Variants in SND1 observed in about 807,000 individuals in gnomAD.
SND1 encodes the protein staphylococcal nuclease and tudor domain containing 1.
A neutral mutation model predicts 121.7 loss-of-function variants in SND1; 38 were observed. The observed-to-expected ratio is 0.31, with a 90% CI of 0.24 to 0.41. The LOEUF is 0.41. Ranked by LOEUF, SND1 falls within the 10% of genes least tolerant of loss-of-function variation. SND1 has a pLI of 1.00. For missense variants in SND1, 868 were observed against 1,184.6 expected, an observed-to-expected ratio of 0.73 and a Z score of 3.92; for synonymous variants, 401 against 447.4, an observed-to-expected ratio of 0.90 and a Z score of 1.31.
intron 11 of SND1, among the ~76,000 whole-genome samples, chr7:127,822,652 A>G (rs1798570448): frequency 6.6e-6 from 1 of 152,194 alleles, no homozygotes; most frequent in Non-Finnish European, 1.5e-5. Context: ...GCATCTGTTA[A>G]TACTTGAGTG....
At chr7:127,769,656 G>T (rs1440921468) in intron 10 of SND1, among the ~76,000 whole-genome samples, 1 of 151,572 alleles carries the variant, frequency 6.6e-6, no homozygotes, top group African/African-American at 2.4e-5. Context: ...CTTGTATAAT[G>T]TTGATGGAAT....
At chr7:127,778,669 C>T (rs1728648683) in intron 10 of SND1, among the ~76,000 whole-genome samples, 1 of 152,046 alleles carries the variant, frequency 6.6e-6, no homozygotes, top group Admixed American at 6.5e-5. Flanking sequence ...GTCTGTAAAA[C>T]GGTAATATTG....
At chr7:127,712,201 C>T (rs1016796673) in intron 9 of SND1, among the ~76,000 whole-genome samples, 13 of 152,244 alleles carry the variant, frequency 8.5e-5, no homozygotes, top group Non-Finnish European at 1.9e-4. Flanking sequence ...CTCTGTCACC[C>T]AGGCTGGAGT....
intron 11 of SND1, among the ~76,000 whole-genome samples, chr7:127,830,651 T>C (rs907565251): frequency 1.3e-5 from 2 of 152,176 alleles, no homozygotes; most frequent in Admixed American, 6.5e-5. Flanking sequence ...AATGACCTTT[T>C]AATTCATGGA....
At chr7:127,832,328 C>G (rs1584605263) in intron 11 of SND1, among the ~76,000 whole-genome samples, 1 of 152,274 alleles carries the variant, frequency 6.6e-6, no homozygotes, top group East Asian at 1.9e-4. Context: ...AGTAGAATTG[C>G]CAGCCTGACC....
intron 10 of SND1, among the ~76,000 whole-genome samples, chr7:127,759,085 GATA>G: frequency 6.6e-6 from 1 of 151,970 alleles, no homozygotes; most frequent in African/African-American, 2.4e-5. Context: ...TAGATAGATA[GATA>G]GATAGATAGA....
At chr7:127,883,953 AC>A (rs1799845796) in intron 12 of SND1, among the ~76,000 whole-genome samples, 1 of 152,124 alleles carries the variant, frequency 6.6e-6, no homozygotes, top group Non-Finnish European at 1.5e-5. Context: ...CTGTAAAGGT[AC>A]TATTTTACTC....
At chr7:127,833,934 T>G (rs533588605) in intron 11 of SND1, among the ~76,000 whole-genome samples, 103 of 152,290 alleles carry the variant, frequency 6.8e-4, no homozygotes, top group African/African-American at 2.3e-3. Context: ...GTACCTTATT[T>G]AAATGGAATC....
chr7:127,793,724 A>G (rs988616852), intron 10 of SND1, among the ~76,000 whole-genome samples: 2 of 152,156 alleles, frequency 1.3e-5, no homozygotes, highest in Non-Finnish European at 2.9e-5. Context: ...CTCACGTCCC[A>G]TGTCATTCCC....
chr7:127,873,763 A>G (rs1247837949), intron 12 of SND1, among the ~76,000 whole-genome samples: 3 of 152,190 alleles, frequency 2.0e-5, no homozygotes, highest in Non-Finnish European at 2.9e-5. Context: ...TTCCCACAAC[A>G]GCATCCCAAG....
chr7:127,982,957 C>T (rs1802300841), intron 15 of SND1, among the ~76,000 whole-genome samples: 2 of 152,212 alleles, frequency 1.3e-5, no homozygotes, highest in Non-Finnish European at 2.9e-5. Context: ...GTCTGTCTGA[C>T]TCTACCTTTC....
intron 10 of SND1, among the ~76,000 whole-genome samples, chr7:127,779,978 T>G (rs779289242): frequency 2.0e-5 from 3 of 152,308 alleles, no homozygotes; most frequent in African/African-American, 7.2e-5. Context: ...GTTTTTCTAG[T>G]TTTGCACTGT....
At chr7:127,920,599 A>G (rs1800681887) in intron 14 of SND1, among the ~76,000 whole-genome samples, 1 of 152,112 alleles carries the variant, frequency 6.6e-6, no homozygotes. Context: ...TATTCATGGA[A>G]GCTTTTCTAT....
chr7:128,029,314 T>G lies in SND1; in HGVS notation c.1779+38258T>G. 1 of 1,614,172 alleles carries G rather than the reference T, an allele frequency of 6.2e-7. No individual in the cohort carries two copies. ...TAGTTGGAGGTGTTAAGCTCAGCCGTGCTCACATTGAGGTAGGCCGAGGCG... is the reference window on the plus strand; with the variant it reads ...TAGTTGGAGGTGTTAAGCTCAGCCGGGCTCACATTGAGGTAGGCCGAGGCG... On this transcript the variant is annotated intron_variant, in intron 16 of 23. Coordinates refer to ENST00000354725, the MANE Select transcript of SND1 (RefSeq NM_014390.4). This position sits in a 1 kb window ranked among gnomAD's most constrained non-coding sequence, Gnocchi z 4.2.
At position 128,089,689 on chromosome 7, in the gene SND1, A is replaced by G; in HGVS notation, c.2619A>G (p.Lys873=). The change falls in exon 22 of 24, where the codon AAA becomes AAG. Residue 873 remains lysine, a synonymous_variant. Transcript: ENST00000354725. The part of the protein sequence containing the change: ...VEVRKEKQFQ[K]VITEYLNAQE... ...TGCGCAAGGAGAAACAGTTCCAGAA[A>G]GTGGTATGTGATGTGGAGAGGCGGC... 2 of 1,613,980 alleles carry G rather than the reference A, an allele frequency of 1.2e-6. No individual in the cohort carries two copies. The highest frequency in any genetic ancestry group is 1.7e-6 in the Non-Finnish European group (2 of 1,179,952).
chr7:127,929,379 A>T lies in SND1; in HGVS notation c.1669+50A>T, dbSNP rs746132635. 8.2e-6 allele frequency: 13 copies of T among 1,587,716 alleles called. No individual in the cohort carries two copies. The South Asian group carries it at 1.4e-4, about 18-fold the overall frequency. ...CTCTGAGCTCAGAAGTCATCCCTGG[A>T]AACCACATACCCTCCTTTCCCCCTG... is the stretch of plus-strand genomic sequence containing the variant. On this transcript the variant is annotated intron_variant, in intron 15 of 23. Coordinates refer to ENST00000354725, the MANE Select transcript of SND1 (RefSeq NM_014390.4).
chr7:127,851,104 T>C (rs1364005186), intron 12 of SND1, among the ~76,000 whole-genome samples: 1 of 152,240 alleles, frequency 6.6e-6, no homozygotes. Context: ...ATTACCATCA[T>C]TTCTAGATGG....
intron 10 of SND1, among the ~76,000 whole-genome samples, chr7:127,721,784 A>G (rs1796500451): frequency 2.0e-5 from 3 of 152,170 alleles, no homozygotes; most frequent in Admixed American, 6.5e-5. Context: ...TCTGCTGGTC[A>G]TTTTGATTTG....
chr7:127,910,767 T>C (rs1277251748), intron 14 of SND1, among the ~76,000 whole-genome samples: 2 of 152,180 alleles, frequency 1.3e-5, no homozygotes, highest in Non-Finnish European at 2.9e-5. Context: ...CTACATCATG[T>C]TCTCACGTCT....
Sources: allele counts gnomAD v4.1 joint callset (sites outside exome capture counted in the v4.1 genomes callset), GRCh38; gene constraint gnomAD v4.1.1; non-coding constraint Gnocchi (gnomAD v3.1); transcripts MANE v1.5; gene names NCBI Gene and HGNC (gene_info 2026-07-23, HGNC 2026-07-21).